The following FIG4 variants were observed in gnomAD, a reference collection of about 807,000 sequenced individuals.
The protein encoded by FIG4 is polyphosphoinositide phosphatase.
Under a neutral mutation model 118.6 loss-of-function variants are expected in FIG4, and 112 were observed. The ratio of observed to expected loss-of-function variants is 0.94; its 90% CI spans 0.81 to 1.11. The LOEUF (loss-of-function observed/expected upper bound fraction) is 1.11, where lower values mean the gene tolerates loss of function less well. Among genes scored for constraint, FIG4 ranks in the 50% least tolerant of loss-of-function variants. The pLI, the probability that FIG4 is intolerant of heterozygous loss-of-function variation, is 0.00. For missense variants in FIG4, 969 were observed against 1,111.7 expected (o/e 0.87, Z 1.83); for synonymous variants, 369 against 381.2 (o/e 0.97, Z 0.37).
chr6:109,691,520 CG>C lies in FIG4; in HGVS notation c.66+23del. 2 of 1,562,510 alleles carry C rather than the reference CG, an allele frequency of 1.3e-6. No individual in the cohort carries two copies. Among genetic ancestry groups the C allele is most frequent in the East Asian group, 2.4e-5 (1 of 42,202 alleles). ...TAGAGCTGTGAGTACCCCCTCGCGG[CG>C]GGGCGCAGGCGGGAGGATGGATGTC... On this transcript the variant is annotated intron_variant, in intron 1 of 22. Coordinates refer to ENST00000230124, the MANE Select transcript of FIG4 (RefSeq NM_014845.6).
In FIG4 at chr6:109,775,759, C is replaced by T. The variant is rs139887991; in HGVS notation, c.1751-1163C>T. Among the ~76,000 whole-genome samples the T allele has an allele frequency of 3.4e-3, 517 of 152,144 alleles. 2 individuals carry two copies. The highest frequency in any genetic ancestry group is 6.0e-3 in the Non-Finnish European group (410 of 67,982). ...CCCTTTTTATATATTACTTTTAGCC[C>T]GAAAGGTAAGTGCTGTTTTAATGGG... is the stretch of plus-strand genomic sequence containing the variant. On this transcript the variant is annotated intron_variant, in intron 15 of 22. Transcript: ENST00000230124.
chr6:109,780,871 C>T (rs1583724694), intron 16 of FIG4, among the ~76,000 whole-genome samples: 1 of 152,340 alleles, frequency 6.6e-6, no homozygotes, highest in Non-Finnish European at 1.5e-5. Flanking sequence ...ACTGATCTGC[C>T]TAAAACCACT....
intron 22 of FIG4, among the ~76,000 whole-genome samples, chr6:109,806,059 A>G (rs940395653): frequency 5.9e-5 from 9 of 152,208 alleles, no homozygotes; most frequent in Non-Finnish European, 1.0e-4. Flanking sequence ...AAGCTTCTTA[A>G]GCCCAGTAAC....
At chr6:109,737,577 C>G (rs1776195476) in intron 6 of FIG4, among the ~76,000 whole-genome samples, 1 of 152,084 alleles carries the variant, frequency 6.6e-6, no homozygotes, top group Admixed American at 6.6e-5. Flanking sequence ...AAAAAATGGT[C>G]TTTATTAACT....
chr6:109,808,970 G>T (rs142116793), intron 22 of FIG4, among the ~76,000 whole-genome samples: 121 of 152,238 alleles, frequency 7.9e-4, no homozygotes, highest in African/African-American at 2.7e-3. Flanking sequence ...AATATATGCT[G>T]TTAAAAACTC....
intron 1 of FIG4, among the ~76,000 whole-genome samples, chr6:109,712,947 G>A (rs1356342776): frequency 6.6e-6 from 1 of 152,024 alleles, no homozygotes; most frequent in Non-Finnish European, 1.5e-5. Flanking sequence ...GGGTTCGATT[G>A]TGGGATCAGG....
At chr6:109,825,025 G>A (rs1779116976) in intron 22 of FIG4, 63 bp from the exon 23 acceptor site, 10 of 1,484,880 alleles carry the variant, frequency 6.7e-6, no homozygotes, top group Admixed American at 1.7e-5. Flanking sequence ...TTCTGAGACT[G>A]CTCCCTGTGG....
At chr6:109,759,782 C>T (rs938336428) in intron 10 of FIG4, among the ~76,000 whole-genome samples, 5 of 152,212 alleles carry the variant, frequency 3.3e-5, no homozygotes, top group African/African-American at 1.2e-4. Context: ...AGAGTATTTG[C>T]AAGTCTAATT....
rs1775522503 is a variant in FIG4 at position 109,718,953 on chromosome 6, G to A, written c.289+2385G>A. Among the ~76,000 whole-genome samples the A allele has an allele frequency of 2.8e-5, 4 of 141,534 alleles. No individual in the cohort carries two copies. In the East Asian group the frequency reaches 6.0e-4, roughly 21 times the overall value. 92.9% of individuals were successfully genotyped at this position (141,534 alleles called of 152,430 possible). The stretch of plus-strand genomic sequence containing the variant: ...TTTTTTTTTGAGACAGAGCCTTGCT[G>A]TGTCACCCAGGCTGGAGTGCAGTGG... On this transcript the variant is annotated intron_variant, in intron 3 of 22. Transcript: ENST00000230124.
intron 1 of FIG4, among the ~76,000 whole-genome samples, chr6:109,713,119 C>T (rs560009381): frequency 7.9e-5 from 12 of 152,294 alleles, no homozygotes; most frequent in Admixed American, 3.9e-4. Context: ...AGGGTGCCAA[C>T]GTGTAGTGAC....
At chr6:109,707,398 C>T (rs995623461) in intron 1 of FIG4, among the ~76,000 whole-genome samples, 1 of 146,854 alleles carries the variant, frequency 6.8e-6, no homozygotes, top group African/African-American at 2.5e-5. Flanking sequence ...CATATGTATA[C>T]ATACATATAC....
intron 22 of FIG4, among the ~76,000 whole-genome samples, chr6:109,816,546 G>A (rs1778867401): frequency 6.6e-6 from 1 of 152,280 alleles, no homozygotes; most frequent in East Asian, 1.9e-4. Flanking sequence ...TATAGCAAAT[G>A]TACCGTACTA....
At chr6:109,811,798 G>C (rs1290059069) in intron 22 of FIG4, among the ~76,000 whole-genome samples, 2 of 152,220 alleles carry the variant, frequency 1.3e-5, no homozygotes, top group Admixed American at 1.3e-4. Flanking sequence ...AGTTTTCTCT[G>C]AGGAGTTAAT....
At chr6:109,753,509 A>G (rs1776779050) in intron 10 of FIG4, among the ~76,000 whole-genome samples, 1 of 152,132 alleles carries the variant, frequency 6.6e-6, no homozygotes. Context: ...TGGGGATGGC[A>G]TTGAATCTAT....
chr6:109,825,201 T>C lies in FIG4; in HGVS notation c.2660T>C (p.Met887Thr), dbSNP rs780643086. The C allele has an allele frequency of 2.7e-5, 44 of 1,613,996 alleles. No homozygotes were observed. The Middle Eastern group carries it at 1.3e-3, about 48-fold the overall frequency. Residue 887 changes from methionine (M) to threonine (T), a missense_variant, in exon 23 of 23, where the codon ATG becomes ACG. Coordinates refer to ENST00000230124, the MANE Select transcript of FIG4 (RefSeq NM_014845.6). ...CACATCCAGGCCAGCCAAGGTATCA[T>C]GCAGCCCCTAGGAAAAGAGGACTCC... ...QAHIQASQGI[M>T]QPLGKEDSSM...
At chr6:109,811,480 A>G (rs1778718907) in intron 22 of FIG4, among the ~76,000 whole-genome samples, 1 of 152,226 alleles carries the variant, frequency 6.6e-6, no homozygotes, top group Non-Finnish European at 1.5e-5. Context: ...GCCACAAGTC[A>G]TCTAATAGTT....
chr6:109,814,608 A>T (rs1778809599), intron 22 of FIG4, among the ~76,000 whole-genome samples: 1 of 152,066 alleles, frequency 6.6e-6, no homozygotes, highest in Non-Finnish European at 1.5e-5. Flanking sequence ...TTACTATGAG[A>T]TCCTAACGTC....
intron 4 of FIG4, among the ~76,000 whole-genome samples, chr6:109,731,449 G>A (rs1056423095): frequency 6.6e-6 from 1 of 152,118 alleles, no homozygotes; most frequent in African/African-American, 2.4e-5. Context: ...TGGTCTATCA[G>A]CAGACAATGG....
In FIG4 at chr6:109,716,465, A is replaced by G; in HGVS notation, c.186A>G (p.Glu62=). The change falls in exon 3 of 23, where the codon GAA becomes GAG. Residue 62 remains glutamate, a synonymous_variant. Transcript: ENST00000230124. The stretch of plus-strand genomic sequence containing the variant: ...CTTAGCATGTCTATACTCAACAAGA[A>G]GTAAGGGAACTTCTTGGCCGCTTGG... ...IDDRHVYTQQ[E]VRELLGRLDL... The G allele has an allele frequency of 6.2e-7, 1 of 1,613,888 alleles. No individual in the cohort carries two copies. Among genetic ancestry groups the G allele is most frequent in the South Asian group, 1.1e-5 (1 of 91,086 alleles).
Sources: gnomAD v4.1 joint callset for allele counts (sites outside exome capture counted in the v4.1 genomes callset) on GRCh38, gnomAD v4.1.1 for gene constraint, MANE v1.5 for transcripts, NCBI Gene and HGNC (gene_info 2026-07-23, HGNC 2026-07-21) for gene names.